The following CADM1 variants were observed in gnomAD, a reference collection of about 807,000 sequenced individuals.
The protein encoded by CADM1 is cell adhesion molecule 1, also known as TSLC-1.
In CADM1, 15 loss-of-function variants were observed where a neutral mutation model predicts 53.1. That is an observed-to-expected ratio of 0.28 (90% CI 0.19 to 0.44). The LOEUF is 0.44. Among genes scored for constraint, CADM1 ranks in the 20% least tolerant of loss-of-function variants. The pLI is 1.00. For missense variants in CADM1, 434 were observed against 611.3 expected, an observed-to-expected ratio of 0.71 and a Z score of 3.06; for synonymous variants, 281 against 243.0, an observed-to-expected ratio of 1.16 and a Z score of -1.45.
intron 8 of CADM1, among the ~76,000 whole-genome samples, chr11:115,208,203 T>C (rs148665304): frequency 6.6e-6 from 1 of 152,318 alleles, no homozygotes; most frequent in Non-Finnish European, 1.5e-5. Flanking sequence ...AACCAACTGA[T>C]GGATTTTCAG....
At chr11:115,214,116 T>C (rs1194463075) in intron 7 of CADM1, among the ~76,000 whole-genome samples, 1 of 152,238 alleles carries the variant, frequency 6.6e-6, no homozygotes, top group Non-Finnish European at 1.5e-5. Context: ...AGGTGGTTCA[T>C]GTAGCTACAA....
At chr11:115,405,346 G>A (rs1444977857) in intron 1 of CADM1, among the ~76,000 whole-genome samples, 4 of 152,192 alleles carry the variant, frequency 2.6e-5, no homozygotes, top group Non-Finnish European at 4.4e-5. Context: ...AATTGAAGAA[G>A]ATACGAAGCT....
intron 1 of CADM1, among the ~76,000 whole-genome samples, chr11:115,482,743 G>A (rs1202089330): frequency 6.6e-6 from 1 of 152,128 alleles, no homozygotes; most frequent in Admixed American, 6.5e-5. Flanking sequence ...ACAGAATCTG[G>A]AAGATATACG....
chr11:115,239,783 T>C (rs1942153687), intron 2 of CADM1, among the ~76,000 whole-genome samples: 1 of 152,064 alleles, frequency 6.6e-6, no homozygotes, highest in African/African-American at 2.4e-5. Flanking sequence ...ACCATTTCTA[T>C]TCTATACAAG....
At position 115,485,930 on chromosome 11, in the gene CADM1, C is replaced by T. The variant is rs975574148; in HGVS notation, c.124+18341G>A. On this transcript the variant is annotated intron_variant, in intron 1 of 11. Coordinates refer to ENST00000331581, the MANE Select transcript of CADM1 (RefSeq NM_001301043.2). ...CAGTGATAACTCAAGTTTAACATAT[C>T]CAAAACCAAGTTCATTGCATTCCCT... Among the ~76,000 whole-genome samples the T allele has an allele frequency of 3.9e-5, 6 of 152,212 alleles. No homozygotes were observed. In the South Asian group the frequency reaches 1.0e-3, roughly 26 times the overall value.
Position 115,253,123 on chromosome 11 carries a change from C to T in CADM1, c.125-12703G>A, listed in dbSNP as rs141111320. ...AACAACACACACACACATCTCATAA[C>T]GTTTTAAGAAAGTTTACAAATTTGT... is the stretch of plus-strand genomic sequence containing the variant. On this transcript the variant is annotated intron_variant, in intron 1 of 11. Transcript: ENST00000331581. Among the ~76,000 whole-genome samples, 245 of 152,230 alleles carry T rather than the reference C, an allele frequency of 1.6e-3. 2 individuals are homozygous for T. Among genetic ancestry groups the T allele is most frequent in the Admixed American group, 0.013 (202 of 15,288 alleles).
intron 1 of CADM1, among the ~76,000 whole-genome samples, chr11:115,282,900 T>C (rs907440490): frequency 6.6e-6 from 1 of 152,156 alleles, no homozygotes; most frequent in Non-Finnish European, 1.5e-5. Context: ...CCAGGGTTTA[T>C]AGTAAAATAC....
At chr11:115,298,307 T>C (rs1316923190) in intron 1 of CADM1, among the ~76,000 whole-genome samples, 1 of 152,220 alleles carries the variant, frequency 6.6e-6, no homozygotes, top group Non-Finnish European at 1.5e-5. Context: ...AGAAGCTATG[T>C]GATTCACAGT....
chr11:115,369,044 A>G (rs1330984229), intron 1 of CADM1, among the ~76,000 whole-genome samples: 1 of 148,912 alleles, frequency 6.7e-6, no homozygotes, highest in African/African-American at 2.4e-5. Flanking sequence ...AAAAAAAAAA[A>G]AAAAAAAAAA....
chr11:115,379,010 G>A (rs1265622530), intron 1 of CADM1, among the ~76,000 whole-genome samples: 1 of 152,166 alleles, frequency 6.6e-6, no homozygotes, highest in Non-Finnish European at 1.5e-5. Flanking sequence ...TCCCAAAAGA[G>A]GAGATTTCAC....
intron 1 of CADM1, among the ~76,000 whole-genome samples, chr11:115,424,908 C>T (rs1947853469): frequency 6.6e-6 from 1 of 152,112 alleles, no homozygotes; most frequent in Non-Finnish European, 1.5e-5. Context: ...TTTCTATTCC[C>T]ATCAAAATAT....
At chr11:115,355,850 G>A (rs1348493277) in intron 1 of CADM1, among the ~76,000 whole-genome samples, 1 of 151,896 alleles carries the variant, frequency 6.6e-6, no homozygotes, top group Non-Finnish European at 1.5e-5. Context: ...TTTGTTTTTT[G>A]AGACGGAGTC....
At chr11:115,479,020 A>G (rs1186898728) in intron 1 of CADM1, among the ~76,000 whole-genome samples, 4 of 152,156 alleles carry the variant, frequency 2.6e-5, no homozygotes, top group African/African-American at 9.6e-5. Flanking sequence ...TTGTAAAACT[A>G]TGTCTGTAGA....
chr11:115,290,813 C>T (rs1364399314), intron 1 of CADM1, among the ~76,000 whole-genome samples: 1 of 152,118 alleles, frequency 6.6e-6, no homozygotes, highest in African/African-American at 2.4e-5. Context: ...TTGTTTAAAT[C>T]CAAAGGCTTG....
Position 115,353,997 on chromosome 11 carries a change from A to G in CADM1, c.125-113577T>C, listed in dbSNP as rs1945801128. On this transcript the variant is annotated intron_variant, in intron 1 of 11. Coordinates refer to ENST00000331581, the MANE Select transcript of CADM1 (RefSeq NM_001301043.2). ...GGGCTGTTTTTGTTTGTTTAAAATCATGCACAGGAAAGAAAAAATCTAGTG... is the reference window on the plus strand; with the variant it reads ...GGGCTGTTTTTGTTTGTTTAAAATCGTGCACAGGAAAGAAAAAATCTAGTG... 1.3e-5 allele frequency among the ~76,000 whole-genome samples: 2 copies of G among 152,334 alleles called. 1 individual carries two copies. The highest frequency in any genetic ancestry group is 4.8e-5 in the African/African-American group (2 of 41,584).
At chr11:115,418,401 T>G (rs1411575563) in intron 1 of CADM1, among the ~76,000 whole-genome samples, 1 of 152,144 alleles carries the variant, frequency 6.6e-6, no homozygotes, top group African/African-American at 2.4e-5. Flanking sequence ...CTATAGTACA[T>G]GAGAACTGAG....
At chr11:115,308,648 T>A (rs1255990634) in intron 1 of CADM1, among the ~76,000 whole-genome samples, 1 of 151,994 alleles carries the variant, frequency 6.6e-6, no homozygotes, top group Non-Finnish European at 1.5e-5. Context: ...ACCAACAACT[T>A]TTCTGTAGAG....
intron 1 of CADM1, among the ~76,000 whole-genome samples, chr11:115,254,386 A>G (rs1942705878): frequency 1.3e-5 from 2 of 152,120 alleles, no homozygotes; most frequent in African/African-American, 4.8e-5. Flanking sequence ...TTTTGCTTTC[A>G]AAATTATTTC....
chr11:115,313,740 T>C (rs1011960293), intron 1 of CADM1, among the ~76,000 whole-genome samples: 2 of 152,162 alleles, frequency 1.3e-5, no homozygotes, highest in Admixed American at 6.5e-5. Context: ...ATGTGTGCCA[T>C]TTCCAGCCTA....
Sources: gnomAD v4.1 joint callset for allele counts (sites outside exome capture counted in the v4.1 genomes callset) on GRCh38, gnomAD v4.1.1 for gene constraint, MANE v1.5 for transcripts, NCBI Gene and HGNC (gene_info 2026-07-23, HGNC 2026-07-21) for gene names.